Variants in MAP3K5 observed in about 807,000 individuals in gnomAD.
MAP3K5 encodes the protein ASK-1.
MAP3K5 carries 56 observed loss-of-function variants against 158.7 expected under a neutral mutation model. That is an observed-to-expected ratio of 0.35 (90% CI 0.28 to 0.44). MAP3K5 has a LOEUF of 0.44. Among genes scored for constraint, MAP3K5 ranks in the 20% least tolerant of loss-of-function variants. The pLI, the probability that MAP3K5 is intolerant of heterozygous loss-of-function variation, is 1.00. For missense variants in MAP3K5, 1,294 were observed against 1,674.8 expected (o/e 0.77, Z 3.97); for synonymous variants, 579 against 601.7 (o/e 0.96, Z 0.55).
At chr6:136,595,077 C>T (rs1775563496) in intron 21 of MAP3K5, among the ~76,000 whole-genome samples, 1 of 152,168 alleles carries the variant, frequency 6.6e-6, no homozygotes. Flanking sequence ...TACAGATATT[C>T]TGCATGTTCT....
intron 8 of MAP3K5, among the ~76,000 whole-genome samples, chr6:136,664,095 T>C (rs1448705565): frequency 1.3e-5 from 2 of 152,162 alleles, no homozygotes; most frequent in Non-Finnish European, 2.9e-5. Flanking sequence ...AGCAAAAAGC[T>C]TCTTCATCTG....
chr6:136,687,498 T>C (rs940533049), intron 7 of MAP3K5, among the ~76,000 whole-genome samples: 2 of 152,066 alleles, frequency 1.3e-5, no homozygotes, highest in African/African-American at 4.8e-5. Flanking sequence ...ACCTACAGAA[T>C]GGGAGAAAAT....
chr6:136,562,380 C>T (rs1391790829), intron 27 of MAP3K5, 123 bp downstream of exon 27: 4 of 475,708 alleles, frequency 8.4e-6, no homozygotes, highest in African/African-American at 6.0e-5. Flanking sequence ...GGAATTCCTG[C>T]TTGCAGTCAT....
rs111860777 is a variant in MAP3K5 at position 136,755,689 on chromosome 6, C to G, written c.449-35100G>C. On this transcript the variant is annotated intron_variant, in intron 1 of 29. Coordinates refer to ENST00000359015, the MANE Select transcript of MAP3K5 (RefSeq NM_005923.4). ...GGGTGACAGAGCAAGACTCTGTCTC[C>G]AAAAAAAAAAAAAAAAAAAAGTTAA... 2.1e-4 allele frequency among the ~76,000 whole-genome samples: 10 copies of G among 48,218 alleles called. 2 individuals are homozygous for G. Among genetic ancestry groups the G allele is most frequent in the Non-Finnish European group, 2.9e-4 (5 of 17,400 alleles). The allele number at this position is 48,218 out of a possible 152,430, so 31.6% of individuals were successfully genotyped here.
At chr6:136,645,238 T>C (rs1778196446) in intron 11 of MAP3K5, among the ~76,000 whole-genome samples, 1 of 152,208 alleles carries the variant, frequency 6.6e-6, no homozygotes, top group Admixed American at 6.5e-5. Flanking sequence ...CGGCCTGTAA[T>C]TTCTTGTAAT....
In MAP3K5 at chr6:136,695,460, G is replaced by T. The variant is rs748409596; in HGVS notation, c.1082+491C>A. The stretch of plus-strand genomic sequence containing the variant: ...AGCCTGTGAAATATGTTTCAATAAA[G>T]CTATTATAAAAAAGGTATCATTTCT... On this transcript the variant is annotated intron_variant, in intron 6 of 29. Coordinates refer to ENST00000359015, the MANE Select transcript of MAP3K5 (RefSeq NM_005923.4). Among the ~76,000 whole-genome samples the T allele has an allele frequency of 1.3e-4, 20 of 152,088 alleles. 1 individual carries two copies. Among genetic ancestry groups the T allele is most frequent in the Non-Finnish European group, 1.5e-5 (1 of 67,996 alleles).
In MAP3K5 at chr6:136,694,071, C is replaced by G. The variant is rs573706808; in HGVS notation, c.1253+69G>C. On this transcript the variant is annotated intron_variant, in intron 7 of 29. Coordinates refer to ENST00000359015, the MANE Select transcript of MAP3K5 (RefSeq NM_005923.4). Reference sequence around the variant, plus strand: ...GATTATAATAATACTTTAACACTCTCATTTGCAAATACTTTTTTATGCCAT... The same window carrying G: ...GATTATAATAATACTTTAACACTCTGATTTGCAAATACTTTTTTATGCCAT... The G allele has an allele frequency of 5.0e-6, 6 of 1,200,322 alleles. No homozygotes were observed. In the East Asian group the frequency reaches 9.4e-5, roughly 19 times the overall value. The allele number at this position is 1,200,322 out of a possible 1,614,324, so 74.4% of individuals were successfully genotyped here.
intron 25 of MAP3K5, among the ~76,000 whole-genome samples, chr6:136,573,253 G>A (rs1183580891): frequency 6.6e-6 from 1 of 152,210 alleles, no homozygotes; most frequent in African/African-American, 2.4e-5. Flanking sequence ...CTCTTCTTGA[G>A]CTGGGACATC....
At chr6:136,662,559 TTCTC>T (rs1247122694) in intron 8 of MAP3K5, among the ~76,000 whole-genome samples, 5 of 151,410 alleles carry the variant, frequency 3.3e-5, no homozygotes, top group Admixed American at 1.3e-4. Context: ...CTCTCTTCCT[TTCTC>T]TCTCTCTCTT....
upstream of MAP3K5, among the ~76,000 whole-genome samples, chr6:136,792,877 G>C (rs1024296579): frequency 1.3e-5 from 2 of 152,144 alleles, no homozygotes; most frequent in Non-Finnish European, 2.9e-5. The surrounding 1 kb of genome is among the most constrained non-coding windows in gnomAD (Gnocchi z 5.7). Flanking sequence ...CACTCGTAGC[G>C]GCACCGAGGG....
intron 23 of MAP3K5, among the ~76,000 whole-genome samples, chr6:136,590,449 ATGT>A (rs1554281716): frequency 6.6e-6 from 1 of 151,918 alleles, no homozygotes; most frequent in Non-Finnish European, 1.5e-5. Context: ...GTTTTGCCCA[ATGT>A]TGTTTCCTTC....
chr6:136,609,255 A>ACTCCTT lies in MAP3K5; in HGVS notation c.2521+2026_2521+2027insAAGGAG, dbSNP rs1160354690. Among the ~76,000 whole-genome samples, 4 of 152,238 alleles carry ACTCCTT rather than the reference A, an allele frequency of 2.6e-5. No homozygotes were observed. Among genetic ancestry groups the ACTCCTT allele is most frequent in the African/African-American group, 9.6e-5 (4 of 41,462 alleles). On this transcript the variant is annotated intron_variant, in intron 18 of 29. Coordinates refer to ENST00000359015, the MANE Select transcript of MAP3K5 (RefSeq NM_005923.4). This position sits in a 1 kb window ranked among gnomAD's most constrained non-coding sequence, Gnocchi z 4.4. ...TAAGAGTAAGAGGAAAGAAATGTAA[A>ACTCCTT]GACATTTGAAGTTATTAATAGGTCA...
intron 1 of MAP3K5, among the ~76,000 whole-genome samples, chr6:136,759,107 G>A (rs1400570300): frequency 1.3e-5 from 2 of 152,082 alleles, no homozygotes; most frequent in Non-Finnish European, 2.9e-5. Context: ...GGAGGTGAAG[G>A]TTGCAGTGAG....
intron 1 of MAP3K5, among the ~76,000 whole-genome samples, chr6:136,746,153 T>C (rs1250821514): frequency 6.6e-6 from 1 of 152,136 alleles, no homozygotes; most frequent in East Asian, 1.9e-4. Flanking sequence ...ACTTCCCCAA[T>C]AGAACAAATA....
intron 14 of MAP3K5, among the ~76,000 whole-genome samples, chr6:136,631,043 G>A (rs1321901558): frequency 6.6e-6 from 1 of 151,116 alleles, no homozygotes; most frequent in South Asian, 2.1e-4. Flanking sequence ...AGGCTGCAAT[G>A]AGCCGAGATC....
At chr6:136,626,144 G>C (rs1777026600) in intron 14 of MAP3K5, among the ~76,000 whole-genome samples, 1 of 152,198 alleles carries the variant, frequency 6.6e-6, no homozygotes, top group South Asian at 2.1e-4. Context: ...ATGGGGCTGG[G>C]GTGGAGCATG....
intron 14 of MAP3K5, among the ~76,000 whole-genome samples, chr6:136,631,416 T>C (rs1777345442): frequency 6.6e-6 from 1 of 152,186 alleles, no homozygotes; most frequent in Admixed American, 6.5e-5. Context: ...TGAACCATAA[T>C]TACTAAGGTA....
Position 136,592,233 on chromosome 6 carries a change from G to A in MAP3K5, c.3165C>T (p.His1055=). 6.2e-7 allele frequency: 1 copy of A among 1,611,198 alleles called. No homozygotes were observed. Among genetic ancestry groups the A allele is most frequent in the South Asian group, 1.1e-5 (1 of 90,500 alleles). ...TGTCTTGGTCTTCCGTCAGGATCCT[G>A]TGAAGGGTAGCTCGCCTCTCACTGT... is the stretch of plus-strand genomic sequence containing the variant. ...RKDSERRATL[H]RILTEDQDKI... is the part of the protein sequence containing the mutation. Residue 1055 remains histidine (H), a synonymous_variant, in exon 23 of 30, where the codon CAC becomes CAT. Coordinates refer to ENST00000359015, the MANE Select transcript of MAP3K5 (RefSeq NM_005923.4).
intron 1 of MAP3K5, among the ~76,000 whole-genome samples, chr6:136,756,507 G>A: frequency 6.6e-6 from 1 of 152,106 alleles, no homozygotes; most frequent in Admixed American, 6.5e-5. Context: ...GGAGTGCAGT[G>A]GCGCAATCTC....
Sources: gnomAD v4.1 joint callset for allele counts (sites outside exome capture counted in the v4.1 genomes callset) on GRCh38, gnomAD v4.1.1 for gene constraint, Gnocchi (gnomAD v3.1) non-coding constraint, MANE v1.5 for transcripts, NCBI Gene and HGNC (gene_info 2026-07-23, HGNC 2026-07-21) for gene names.